The following NSL1 variants were observed in gnomAD, a reference collection of about 807,000 sequenced individuals.
The protein encoded by NSL1 is kinetochore-associated protein NSL1 homolog.
NSL1 carries 11 observed loss-of-function variants against 25.4 expected under a neutral mutation model. That is an observed-to-expected ratio of 0.43 (90% CI 0.27 to 0.72). NSL1 has a LOEUF of 0.72. Among genes scored for constraint, NSL1 ranks in the 30% least tolerant of loss-of-function variants. The pLI is 0.19. For synonymous variants in NSL1, 118 were observed against 120.6 expected (o/e 0.98, Z 0.14); for missense variants, 330 against 342.7 (o/e 0.96, Z 0.29).
chr1:212,738,751 G>A (rs1658354944), intron 5 of NSL1, 65 bp from the exon 6 acceptor site: 1 of 1,370,194 alleles, frequency 7.3e-7, no homozygotes, highest in African/African-American at 1.5e-5. Context: ...AGACAAAGAT[G>A]GATGCAGTAC....
chr1:212,743,502 C>T (rs578009468), intron 4 of NSL1, among the ~76,000 whole-genome samples: 2 of 151,872 alleles, frequency 1.3e-5, no homozygotes, highest in East Asian at 3.9e-4. Flanking sequence ...TCCCTTCCTC[C>T]ACATGTTCAT....
intron 4 of NSL1, among the ~76,000 whole-genome samples, chr1:212,757,173 GAAT>G (rs975385241): frequency 2.0e-5 from 3 of 152,284 alleles, no homozygotes; most frequent in Non-Finnish European, 2.9e-5. Flanking sequence ...GAAATAGCAA[GAAT>G]ATTAGTGTTA....
rs6700465 is a variant in NSL1, at chr1:212,735,587, T to C, written c.*2821A>G. On this transcript the variant is annotated 3_prime_UTR_variant, in exon 6 of 6. Coordinates refer to ENST00000366977, the MANE Select transcript of NSL1 (RefSeq NM_015471.4). ...TCAATGTTTGTGTCCCCCTAAAATC[T>C]GTATGATGAAGCCTTAACTCCCATG... 652,764 of 963,614 alleles carry C rather than the reference T, an allele frequency of 0.68. 221,740 individuals carry two copies. The highest frequency in any genetic ancestry group is 0.69 in the Non-Finnish European group (555,196 of 810,232). 59.7% of individuals were successfully genotyped at this position (963,614 alleles called of 1,614,324 possible).
In NSL1 at chr1:212,733,261, G is replaced by A. The variant is rs1369588840; in HGVS notation, c.*5147C>T. Among the ~76,000 whole-genome samples, 6 of 151,886 alleles carry A rather than the reference G, an allele frequency of 4.0e-5. No homozygotes were observed. The highest frequency in any genetic ancestry group is 3.9e-4 in the East Asian group (2 of 5,188). On this transcript the variant is annotated 3_prime_UTR_variant, in exon 6 of 6. Transcript: ENST00000366977. The stretch of plus-strand genomic sequence containing the variant: ...GAGACCAGCCACATAGCGAAACTCC[G>A]TCTCTACAAAAAATACAAAAATTAG...
chr1:212,763,929 C>T (rs1274469972), intron 4 of NSL1: 1 of 297,240 alleles, frequency 3.4e-6, no homozygotes, highest in Non-Finnish European at 6.7e-6. Context: ...AACAAATGAA[C>T]TTAACAGGTG....
chr1:212,771,525 G>T (rs1319043317), intron 4 of NSL1, among the ~76,000 whole-genome samples: 1 of 147,260 alleles, frequency 6.8e-6, no homozygotes, highest in Non-Finnish European at 1.5e-5. Context: ...AGAAACAGAA[G>T]GCTTCCAAAC....
chr1:212,745,816 T>A (rs1355995840), intron 4 of NSL1, among the ~76,000 whole-genome samples: 1 of 149,390 alleles, frequency 6.7e-6, no homozygotes, highest in African/African-American at 2.5e-5. Context: ...TACAAAAAAA[T>A]CAGCTGGGCT....
rs573106770 is a variant in NSL1 at position 212,772,406 on chromosome 1, C to A, written c.499+9966G>T. Among the ~76,000 whole-genome samples the A allele has an allele frequency of 2.1e-3, 320 of 152,070 alleles. 1 individual carries two copies. The highest frequency in any genetic ancestry group is 7.2e-3 in the African/African-American group (300 of 41,494). On this transcript the variant is annotated intron_variant, in intron 4 of 5. Coordinates refer to ENST00000366977, the MANE Select transcript of NSL1 (RefSeq NM_015471.4). ...CAGGTACAGTGGCTCACACCTGTAA[C>A]CCTAGCACTTTGGGAGGCTGAGGCA...
chr1:212,729,301 G>A lies in NSL1; in HGVS notation c.*9107C>T. The A allele has an allele frequency of 2.0e-6, 2 of 985,010 alleles. No individual in the cohort carries two copies. The highest frequency in any genetic ancestry group is 2.4e-6 in the Non-Finnish European group (2 of 829,574). 61.0% of individuals were successfully genotyped at this position (985,010 alleles called of 1,614,324 possible). A position where few individuals can be genotyped will look rare whatever the true frequency, so the allele number is the denominator to read the frequency against. ...TTTTCCCTCTAATGGATCCCTAGAT[G>A]CTACTGATGGCTCCCCTAACTGACG... On this transcript the variant is annotated 3_prime_UTR_variant, in exon 6 of 6. Transcript: ENST00000366977.
In NSL1 at chr1:212,731,276, C is replaced by A; in HGVS notation, c.*7132G>T. On this transcript the variant is annotated 3_prime_UTR_variant, in exon 6 of 6. Coordinates refer to ENST00000366977, the MANE Select transcript of NSL1 (RefSeq NM_015471.4). ...CTTATCTGAAATATACTGTGATAGG[C>A]CAGGTGCAGTGGCTCATTCCTGTAA... 3.0e-6 allele frequency: 3 copies of A among 984,926 alleles called. No individual in the cohort carries two copies. Among genetic ancestry groups the A allele is most frequent in the Non-Finnish European group, 3.6e-6 (3 of 829,804 alleles). The allele number at this position is 984,926 out of a possible 1,614,324, so 61.0% of individuals were successfully genotyped here.
At chr1:212,765,805 T>TAA (rs202091659) in intron 4 of NSL1, among the ~76,000 whole-genome samples, 3 of 139,334 alleles carry the variant, frequency 2.2e-5, no homozygotes, top group Admixed American at 7.2e-5. Context: ...GCTCTGTCTT[T>TAA]AAAAAAAAAA....
chr1:212,761,971 TAA>T (rs34216305), intron 4 of NSL1, among the ~76,000 whole-genome samples: 12,923 of 105,576 alleles, frequency 0.12, 782 homozygotes, highest in African/African-American at 0.22. Context: ...GCTGATGAGC[TAA>T]AAAAAAAAAA....
At chr1:212,754,775 A>AAAAAAAAAAAAAAAAAAAC (rs1659225736) in intron 4 of NSL1, among the ~76,000 whole-genome samples, 1 of 150,776 alleles carries the variant, frequency 6.6e-6, no homozygotes, top group African/African-American at 2.4e-5. Flanking sequence ...GTCTCAAAAA[A>AAAAAAAAAAAAAAAAAAAC]AAAAAAAAAA....
In NSL1 at chr1:212,732,292, T is replaced by G; in HGVS notation, c.*6116A>C. 1.0e-6 allele frequency: 1 copy of G among 973,716 alleles called. No homozygotes were observed. Among genetic ancestry groups the G allele is most frequent in the Non-Finnish European group, 1.2e-6 (1 of 820,166 alleles). 60.3% of individuals were successfully genotyped at this position (973,716 alleles called of 1,614,324 possible). ...TCACTTTTATTTTTTTCTGAAAATA[T>G]CTCTTTTGGAGTCCTACATAGTCCT... On this transcript the variant is annotated 3_prime_UTR_variant, in exon 6 of 6. Coordinates refer to ENST00000366977, the MANE Select transcript of NSL1 (RefSeq NM_015471.4).
chr1:212,762,340 C>T (rs187186996), intron 4 of NSL1, among the ~76,000 whole-genome samples: 5 of 148,052 alleles, frequency 3.4e-5, no homozygotes, highest in East Asian at 2.0e-4. Flanking sequence ...AAGAAGTTTA[C>T]GAATTTGTGT....
chr1:212,778,680 C>T (rs1188108188), intron 4 of NSL1, among the ~76,000 whole-genome samples: 2 of 150,802 alleles, frequency 1.3e-5, no homozygotes, highest in African/African-American at 4.9e-5. Flanking sequence ...GGATTGCAGA[C>T]GGAGTCTCGT....
rs2102419016 is a variant in NSL1 at position 212,730,667 on chromosome 1, G to C, written c.*7741C>G. 4 of 985,436 alleles carry C rather than the reference G, an allele frequency of 4.1e-6. No homozygotes were observed. Among genetic ancestry groups the C allele is most frequent in the Non-Finnish European group, 4.8e-6 (4 of 829,932 alleles). 61.0% of individuals were successfully genotyped at this position (985,436 alleles called of 1,614,324 possible). On this transcript the variant is annotated 3_prime_UTR_variant, in exon 6 of 6. Transcript: ENST00000366977. ...AGGCAACTATACCTGCTAGCACAGT[G>C]ATGTCACTGAGGGATGTCAATGCCA... is the stretch of plus-strand genomic sequence containing the variant.
rs954752205 is a variant in NSL1, at chr1:212,737,013, C to T, written c.*1395G>A. On this transcript the variant is annotated 3_prime_UTR_variant, in exon 6 of 6. Transcript: ENST00000366977. ...AATTTTAATACTATAAAAACATTAG[C>T]ACTGTAAAAACAGCAACATATTATA... 3.8e-5 allele frequency: 37 copies of T among 984,550 alleles called. No homozygotes were observed. In the African/African-American group the frequency reaches 6.3e-4, roughly 17 times the overall value. 61.0% of individuals were successfully genotyped at this position (984,550 alleles called of 1,614,324 possible). A position where few individuals can be genotyped will look rare whatever the true frequency, so the allele number is the denominator to read the frequency against.
At position 212,736,738 on chromosome 1, in the gene NSL1, T is replaced by C. The variant is rs2102425856; in HGVS notation, c.*1670A>G. The C allele has an allele frequency of 1.0e-6, 1 of 984,428 alleles. No homozygotes were observed. Among genetic ancestry groups the C allele is most frequent in the Non-Finnish European group, 1.2e-6 (1 of 829,032 alleles). 61.0% of individuals were successfully genotyped at this position (984,428 alleles called of 1,614,324 possible). On this transcript the variant is annotated 3_prime_UTR_variant, in exon 6 of 6. Transcript: ENST00000366977. ...AAAATTTCCAACACAAAGTAGAATA[T>C]AGTCATTACACAGATTCAACATTAA... is the stretch of plus-strand genomic sequence containing the variant.
Sources: allele counts gnomAD v4.1 joint callset (sites outside exome capture counted in the v4.1 genomes callset), GRCh38; gene constraint gnomAD v4.1.1; transcripts MANE v1.5; gene names NCBI Gene and HGNC (gene_info 2026-07-23, HGNC 2026-07-21).